The following CTIF variants were observed in gnomAD, a reference collection of about 807,000 sequenced individuals.
The protein encoded by CTIF is cap binding complex dependent translation initiation factor, also known as CBP80/20-dependent translation initiation factor.
CTIF carries 21 observed loss-of-function variants against 66.0 expected under a neutral mutation model. That is an observed-to-expected ratio of 0.32 (90% CI 0.23 to 0.46). The LOEUF (loss-of-function observed/expected upper bound fraction) is 0.46. CTIF is among the 20% of genes least tolerant of loss of function. The pLI is 1.00. For missense variants in CTIF, 739 were observed against 812.7 expected, an observed-to-expected ratio of 0.91 and a Z score of 1.10; for synonymous variants, 345 against 326.4, an observed-to-expected ratio of 1.06 and a Z score of -0.62.
At chr18:48,730,184 G>A (rs967327718) in intron 7 of CTIF, among the ~76,000 whole-genome samples, 1 of 151,970 alleles carries the variant, frequency 6.6e-6, no homozygotes, top group Non-Finnish European at 1.5e-5. Context: ...CAGTGTGAGG[G>A]GCCCCCGAGG....
At chr18:48,746,220 T>A (rs1243088041) in intron 7 of CTIF, among the ~76,000 whole-genome samples, 1 of 152,172 alleles carries the variant, frequency 6.6e-6, no homozygotes. Flanking sequence ...ATCATCATCC[T>A]GTGGTCAGCA....
intron 1 of CTIF, among the ~76,000 whole-genome samples, chr18:48,614,703 G>T (rs2090366153): frequency 1.3e-5 from 2 of 152,160 alleles, no homozygotes; most frequent in South Asian, 2.1e-4. Context: ...AGAGTTCATT[G>T]TTTAGTGGGC....
rs903051268 is a variant in CTIF, at chr18:48,670,673, G to C, written c.436G>C (p.Gly146Arg). The C allele has an allele frequency of 2.5e-6, 4 of 1,613,968 alleles. No individual in the cohort carries two copies. The highest frequency in any genetic ancestry group is 3.4e-6 in the Non-Finnish European group (4 of 1,179,884). ...PLPHIDREGC[G>R]KGKLEDGDGI... is the part of the protein sequence containing the mutation. The stretch of plus-strand genomic sequence containing the variant: ...TTTCTGTCTTTTCTGGTCCAGGTGT[G>C]GCAAAGGGAAGCTGGAAGATGGGGA... The change falls in exon 6 of 12, where the codon GGC becomes CGC. Residue 146 changes from glycine (G) to arginine (R), a missense_variant. Coordinates refer to ENST00000256413, the MANE Select transcript of CTIF (RefSeq NM_014772.3).
At chr18:48,771,883 G>A (rs1346147669) in intron 9 of CTIF, among the ~76,000 whole-genome samples, 1 of 152,248 alleles carries the variant, frequency 6.6e-6, no homozygotes, top group Non-Finnish European at 1.5e-5. Flanking sequence ...CCCTGCCCGG[G>A]CACGGCCGGC....
intron 6 of CTIF, among the ~76,000 whole-genome samples, chr18:48,706,587 TG>T: frequency 6.6e-6 from 1 of 152,322 alleles, no homozygotes; most frequent in South Asian, 2.1e-4. Flanking sequence ...GCTCATGTTC[TG>T]GGGCCAGAGC....
chr18:48,613,294 C>T (rs1277108079), intron 1 of CTIF, among the ~76,000 whole-genome samples: 4 of 152,166 alleles, frequency 2.6e-5, no homozygotes, highest in Non-Finnish European at 5.9e-5. Flanking sequence ...GACCTCCTGC[C>T]TCTGAAGGTC....
At chr18:48,603,224 G>T (rs1465858121) in intron 1 of CTIF, among the ~76,000 whole-genome samples, 1 of 150,358 alleles carries the variant, frequency 6.7e-6, no homozygotes, top group African/African-American at 2.5e-5. Context: ...ATGAATGGGT[G>T]GGTGGGTAGA....
chr18:48,687,305 GACACAC>G (rs3082465), intron 6 of CTIF, among the ~76,000 whole-genome samples: 1,316 of 128,608 alleles, frequency 0.01, 12 homozygotes, highest in African/African-American at 0.024. Flanking sequence ...TCTAGGAGGG[GACACAC>G]ACACACACAC....
At chr18:48,773,788 C>A (rs1910400509) in intron 9 of CTIF, among the ~76,000 whole-genome samples, 2 of 152,000 alleles carry the variant, frequency 1.3e-5, no homozygotes, top group Non-Finnish European at 2.9e-5. Flanking sequence ...TCCTTGTTGC[C>A]CTTCGCCCAT....
chr18:48,727,378 C>T (rs1245826423), intron 7 of CTIF, among the ~76,000 whole-genome samples: 1 of 152,150 alleles, frequency 6.6e-6, no homozygotes, highest in Non-Finnish European at 1.5e-5. Context: ...CTTGGTTCTG[C>T]CTCTGAGTCA....
intron 2 of CTIF, among the ~76,000 whole-genome samples, chr18:48,621,007 T>C (rs1279271116): frequency 6.6e-6 from 1 of 152,200 alleles, no homozygotes; most frequent in East Asian, 1.9e-4. Flanking sequence ...ATGCTTTCTT[T>C]AGTGTCCTTG....
At chr18:48,804,708 T>A (rs539577982) in intron 9 of CTIF, among the ~76,000 whole-genome samples, 2 of 152,166 alleles carry the variant, frequency 1.3e-5, no homozygotes, top group Non-Finnish European at 2.9e-5. Context: ...TCCACGATGC[T>A]GCCCTAGGTG....
At chr18:48,549,135 C>CATTT (rs1568025044) in intron 1 of CTIF, among the ~76,000 whole-genome samples, 3 of 152,156 alleles carry the variant, frequency 2.0e-5, no homozygotes, top group African/African-American at 7.2e-5. Context: ...TGTTATCAGT[C>CATTT]ATTTATACTG....
At chr18:48,711,240 T>C (rs1211890723) in intron 6 of CTIF, among the ~76,000 whole-genome samples, 1 of 152,230 alleles carries the variant, frequency 6.6e-6, no homozygotes, top group Non-Finnish European at 1.5e-5. Context: ...TAACTTGTCC[T>C]GGGATGCACA....
chr18:48,848,133 C>G (rs2069120633), intron 10 of CTIF, among the ~76,000 whole-genome samples: 1 of 152,250 alleles, frequency 6.6e-6, no homozygotes, highest in African/African-American at 2.4e-5. Flanking sequence ...TTTGTCTCCA[C>G]TGTCAGCATG....
intron 7 of CTIF, among the ~76,000 whole-genome samples, chr18:48,737,578 A>G (rs2092514376): frequency 6.6e-6 from 1 of 152,238 alleles, no homozygotes; most frequent in African/African-American, 2.4e-5. Context: ...CTAAAAATCA[A>G]AAGCAGAAGG....
At position 48,578,046 on chromosome 18, in the gene CTIF, A is replaced by G. The variant is rs535134097; in HGVS notation, c.-29+38734A>G. On this transcript the variant is annotated intron_variant, in intron 1 of 11. Transcript: ENST00000256413. ...TTCTCTATAGATTTGTCTATTCTGG[A>G]CATTTTATAAACATGGAGTTATACA... Among the ~76,000 whole-genome samples, 23 of 152,304 alleles carry G rather than the reference A, an allele frequency of 1.5e-4. 2 individuals are homozygous for G. The highest frequency in any genetic ancestry group is 5.5e-4 in the African/African-American group (23 of 41,578).
intron 9 of CTIF, among the ~76,000 whole-genome samples, chr18:48,770,015 G>A (rs1250003124): frequency 6.6e-6 from 1 of 152,258 alleles, no homozygotes; most frequent in Non-Finnish European, 1.5e-5. Flanking sequence ...GCTTCCAGGA[G>A]TGCTAAGCCT....
intron 6 of CTIF, 120 bp from the exon 7 acceptor site, chr18:48,711,499 T>C: frequency 1.3e-6 from 1 of 741,782 alleles, no homozygotes; most frequent in East Asian, 2.6e-5. Flanking sequence ...TAGAGTCTAG[T>C]CTCTCCAAAC....
Sources: gnomAD v4.1 joint callset for allele counts (sites outside exome capture counted in the v4.1 genomes callset) on GRCh38, gnomAD v4.1.1 for gene constraint, MANE v1.5 for transcripts, NCBI Gene and HGNC (gene_info 2026-07-23, HGNC 2026-07-21) for gene names.